The following PPTC7 variants were observed in gnomAD, a reference collection of about 807,000 sequenced individuals.
PPTC7 encodes the protein protein phosphatase targeting COQ7.
Under a neutral mutation model 30.8 loss-of-function variants are expected in PPTC7, and 6 were observed. That is an observed-to-expected ratio of 0.19 (90% CI 0.11 to 0.38). PPTC7 has a LOEUF of 0.38. Ranked by LOEUF, PPTC7 falls within the 10% of genes least tolerant of loss-of-function variation. The pLI, the probability that PPTC7 is intolerant of heterozygous loss-of-function variation, is 1.00. For missense variants in PPTC7, 218 were observed against 404.8 expected, an observed-to-expected ratio of 0.54 and a Z score of 3.96; for synonymous variants, 163 against 168.1, an observed-to-expected ratio of 0.97 and a Z score of 0.23.
intron 1 of PPTC7, among the ~76,000 whole-genome samples, chr12:110,559,520 T>G (rs1488861115): frequency 2.6e-4 from 40 of 150,958 alleles, no homozygotes; most frequent in Non-Finnish European, 4.3e-4. Flanking sequence ...GAGGTCAGGA[T>G]TTCAAGACCA....
At position 110,538,219 on chromosome 12, in the gene PPTC7, G is replaced by T; in HGVS notation, c.781C>A (p.His261Asn). ...QTARSIAEQA[H>N]ELAYDPNYMS... ...TAATTTGGGTCATAGGCCAGCTCATGAGCTTGCTCAGCAATGCTTCTGGCA... is the reference window on the plus strand; with the variant it reads ...TAATTTGGGTCATAGGCCAGCTCATTAGCTTGCTCAGCAATGCTTCTGGCA... The change falls in exon 5 of 6, where the codon CAT (histidine) becomes AAT (asparagine). Residue 261 changes from histidine (H) to asparagine (N), a missense_variant. By Grantham distance (68) the His-to-Asn change is moderately conservative. Coordinates refer to ENST00000354300, the MANE Select transcript of PPTC7 (RefSeq NM_139283.2). 1 of 1,614,106 alleles carries T rather than the reference G, an allele frequency of 6.2e-7. No homozygotes were observed. The highest frequency in any genetic ancestry group is 8.5e-7 in the Non-Finnish European group (1 of 1,179,928).
At chr12:110,569,085 C>T (rs555731109) in intron 1 of PPTC7, among the ~76,000 whole-genome samples, 1 of 144,658 alleles carries the variant, frequency 6.9e-6, no homozygotes, top group South Asian at 2.2e-4. Flanking sequence ...GTAATCCCAA[C>T]ACTTTGGGTG....
intron 1 of PPTC7, among the ~76,000 whole-genome samples, chr12:110,579,465 G>A (rs191650961): frequency 6.6e-6 from 1 of 152,286 alleles, no homozygotes; most frequent in Admixed American, 6.5e-5. Context: ...AGGGTACAGA[G>A]CTGGGGTTCT....
chr12:110,539,274 T>G (rs1192589807), intron 4 of PPTC7, among the ~76,000 whole-genome samples: 1 of 152,200 alleles, frequency 6.6e-6, no homozygotes, highest in Non-Finnish European at 1.5e-5. Context: ...GAAAGAAACG[T>G]ACCCAAAGTC....
intron 1 of PPTC7, among the ~76,000 whole-genome samples, chr12:110,555,083 G>C (rs1298819274): frequency 6.6e-6 from 1 of 152,184 alleles, no homozygotes. Flanking sequence ...GTAGCAGAGT[G>C]CCTATATATA....
At chr12:110,549,609 T>TCAAGAAATTATTCAATTC (rs2064335952) in intron 2 of PPTC7, among the ~76,000 whole-genome samples, 2 of 152,208 alleles carry the variant, frequency 1.3e-5, no homozygotes, top group Non-Finnish European at 2.9e-5. Flanking sequence ...ATATTCAATG[T>TCAAGAAATTATTCAATTC]AAGAAAATAT....
rs925812817 is a variant in PPTC7 at position 110,538,384 on chromosome 12, ACAT to A, written c.727-114_727-112del. On this transcript the variant is annotated intron_variant, in intron 4 of 5. Coordinates refer to ENST00000354300, the MANE Select transcript of PPTC7 (RefSeq NM_139283.2). ...TATTCTAGTTAGAAAAGACATTAAA[ACAT>A]CATGCCCTGGCTAATATGAACAAGA... The A allele has an allele frequency of 6.9e-6, 7 of 1,020,756 alleles. No individual in the cohort carries two copies. The African/African-American group carries it at 1.1e-4, about 16-fold the overall frequency. The allele number at this position is 1,020,756 out of a possible 1,614,324, so 63.2% of individuals were successfully genotyped here.
chr12:110,579,938 G>A (rs993672476), intron 1 of PPTC7, among the ~76,000 whole-genome samples: 3 of 152,098 alleles, frequency 2.0e-5, no homozygotes, highest in African/African-American at 4.8e-5. Flanking sequence ...ACTTAAACCC[G>A]GGAGGCGGAG....
intron 1 of PPTC7, among the ~76,000 whole-genome samples, chr12:110,553,707 T>C (rs139146974): frequency 0.011 from 1,733 of 152,136 alleles, 17 homozygotes; most frequent in Middle Eastern, 0.017. Flanking sequence ...TGAGCCCCAG[T>C]GGTTGGGGCT....
chr12:110,581,996 T>C (rs2064641165), intron 1 of PPTC7, among the ~76,000 whole-genome samples: 1 of 152,212 alleles, frequency 6.6e-6, no homozygotes, highest in East Asian at 1.9e-4. Flanking sequence ...TTCTGACTGC[T>C]TGTGAACTAT....
chr12:110,582,673 G>A, intron 1 of PPTC7, 136 bp downstream of exon 1: 1 of 731,590 alleles, frequency 1.4e-6, no homozygotes, highest in Non-Finnish European at 2.1e-6. Context: ...CACGGCGCCT[G>A]GCGCATAGTA....
At position 110,535,471 on chromosome 12, in the gene PPTC7, A is replaced by C. The variant is rs1451366941; in HGVS notation, c.*1566T>G. The C allele has an allele frequency of 6.6e-6, 1 of 152,638 alleles. No individual in the cohort carries two copies. The highest frequency in any genetic ancestry group is 1.5e-5 in the Non-Finnish European group (1 of 68,032). 9.5% of individuals were successfully genotyped at this position (152,638 alleles called of 1,614,324 possible). On this transcript the variant is annotated 3_prime_UTR_variant, in exon 6 of 6. Coordinates refer to ENST00000354300, the MANE Select transcript of PPTC7 (RefSeq NM_139283.2). The stretch of plus-strand genomic sequence containing the variant: ...TTAAATAAAAGCCTGACAGTTACTC[A>C]AATATACAGTACAAATTCACAAAAC...
intron 1 of PPTC7, among the ~76,000 whole-genome samples, chr12:110,573,654 T>G (rs530823313): frequency 6.6e-6 from 1 of 152,324 alleles, no homozygotes; most frequent in African/African-American, 2.4e-5. Flanking sequence ...GAAGATGTGT[T>G]ACTTTTATAA....
intron 1 of PPTC7, among the ~76,000 whole-genome samples, chr12:110,564,122 T>C (rs901331948): frequency 1.3e-5 from 2 of 152,236 alleles, no homozygotes; most frequent in African/African-American, 2.4e-5. Context: ...GTTAAGTTAC[T>C]GAAAAGGTCA....
At chr12:110,550,100 G>A (rs1314205650) in intron 2 of PPTC7, among the ~76,000 whole-genome samples, 1 of 151,980 alleles carries the variant, frequency 6.6e-6, no homozygotes, top group African/African-American at 2.4e-5. Flanking sequence ...AAACAAGTTA[G>A]TTAATCACAG....
intron 2 of PPTC7, among the ~76,000 whole-genome samples, chr12:110,547,896 G>A (rs1021476170): frequency 6.6e-6 from 1 of 152,158 alleles, no homozygotes; most frequent in African/African-American, 2.4e-5. Flanking sequence ...CTTGAGGCCA[G>A]GAGTTCGAGA....
intron 1 of PPTC7, among the ~76,000 whole-genome samples, chr12:110,571,763 T>C (rs2064539012): frequency 6.6e-6 from 1 of 152,178 alleles, no homozygotes; most frequent in African/African-American, 2.4e-5. Context: ...CAAAGACCAT[T>C]GATTGTTTGG....
In PPTC7 at chr12:110,535,019, A is replaced by C. The variant is rs1203408242; in HGVS notation, c.*2018T>G. ...CAAAAGAGCTGAAGTTGTCAGTCCTAATATAAATGTATTCATTCTAACAAA... is the reference window on the plus strand; with the variant it reads ...CAAAAGAGCTGAAGTTGTCAGTCCTCATATAAATGTATTCATTCTAACAAA... On this transcript the variant is annotated 3_prime_UTR_variant, in exon 6 of 6. Coordinates refer to ENST00000354300, the MANE Select transcript of PPTC7 (RefSeq NM_139283.2). 6.6e-6 allele frequency: 1 copy of C among 152,666 alleles called. No homozygotes were observed. The highest frequency in any genetic ancestry group is 1.5e-5 in the Non-Finnish European group (1 of 68,050). 9.5% of individuals were successfully genotyped at this position (152,666 alleles called of 1,614,324 possible).
intron 1 of PPTC7, among the ~76,000 whole-genome samples, chr12:110,561,914 C>A (rs1322317726): frequency 6.6e-6 from 1 of 151,960 alleles, no homozygotes; most frequent in Non-Finnish European, 1.5e-5. Flanking sequence ...TGTACATGAG[C>A]CTGGGTGACA....
Sources: allele counts gnomAD v4.1 joint callset (sites outside exome capture counted in the v4.1 genomes callset), GRCh38; gene constraint gnomAD v4.1.1; transcripts MANE v1.5; gene names NCBI Gene and HGNC (gene_info 2026-07-23, HGNC 2026-07-21).